Variants in TPRG1 observed in about 807,000 individuals in gnomAD.
The protein encoded by TPRG1 is tumor protein p63-regulated gene 1 protein.
In TPRG1, 29 loss-of-function variants were observed where a neutral mutation model predicts 29.3. The ratio of observed to expected loss-of-function variants is 0.99; its 90% confidence interval spans 0.74 to 1.35. The LOEUF is 1.35. TPRG1 is among the 40% of genes most tolerant of loss of function. The pLI, the probability that TPRG1 is intolerant of heterozygous loss-of-function variation, is 0.00. For missense variants in TPRG1, 327 were observed against 335.0 expected (o/e 0.98, Z 0.19); for synonymous variants, 130 against 116.8 (o/e 1.11, Z -0.73).
intron 1 of TPRG1, among the ~76,000 whole-genome samples, chr3:189,191,492 G>T (rs1480901499): frequency 6.6e-6 from 1 of 151,934 alleles, no homozygotes; most frequent in Non-Finnish European, 1.5e-5. Context: ...AATCTTCCTG[G>T]CATCTTGTAG....
At chr3:189,069,832 C>T (rs1354775739) in intron 4 of TPRG1, among the ~76,000 whole-genome samples, 2 of 152,106 alleles carry the variant, frequency 1.3e-5, no homozygotes, top group South Asian at 2.1e-4. Context: ...ACAGGCTGGG[C>T]GTGGTGGCTC....
chr3:189,018,364 G>T (rs1407857918), intron 3 of TPRG1, among the ~76,000 whole-genome samples: 5 of 150,156 alleles, frequency 3.3e-5, no homozygotes, highest in Admixed American at 1.3e-4. Context: ...ATGGTTTTAG[G>T]TCTAACGTTT....
chr3:189,124,301 G>A (rs191367160), intron 1 of TPRG1, among the ~76,000 whole-genome samples: 2 of 152,154 alleles, frequency 1.3e-5, no homozygotes, highest in East Asian at 3.9e-4. Context: ...GCTTAGAAAA[G>A]AAGCATATTT....
chr3:189,045,574 T>C (rs1025523203), intron 4 of TPRG1, among the ~76,000 whole-genome samples: 3 of 152,348 alleles, frequency 2.0e-5, no homozygotes, highest in Non-Finnish European at 2.9e-5. Context: ...AGTGGGAAAA[T>C]GTCTGTACAG....
At chr3:189,289,065 C>G (rs1718555270) in intron 4 of TPRG1, among the ~76,000 whole-genome samples, 3 of 152,182 alleles carry the variant, frequency 2.0e-5, no homozygotes, top group Admixed American at 2.0e-4. Context: ...CTGATTGGAC[C>G]TTTAGCTTGT....
intron 1 of TPRG1, among the ~76,000 whole-genome samples, chr3:189,121,001 T>C (rs1176176124): frequency 6.6e-6 from 1 of 152,162 alleles, no homozygotes; most frequent in Non-Finnish European, 1.5e-5. Context: ...GGTAAATTAT[T>C]AGATGACGCA....
chr3:189,262,406 A>G (rs755104074), intron 4 of TPRG1, among the ~76,000 whole-genome samples: 1 of 151,996 alleles, frequency 6.6e-6, no homozygotes, highest in Non-Finnish European at 1.5e-5. Context: ...CTGAGAGGCT[A>G]TGGGAAGAGA....
At chr3:189,170,455 C>T (rs759665671), upstream of TPRG1, among the ~76,000 whole-genome samples, 12 of 152,194 alleles carry the variant, frequency 7.9e-5, no homozygotes, top group Admixed American at 3.3e-4. Flanking sequence ...CCGCCTCCAC[C>T]GCTGTGCAGC....
At chr3:189,288,047 AGT>A (rs1718361247) in intron 4 of TPRG1, among the ~76,000 whole-genome samples, 1 of 151,440 alleles carries the variant, frequency 6.6e-6, no homozygotes, top group African/African-American at 2.4e-5. Context: ...TGTCTGAGAC[AGT>A]GAGAGAGAAA....
At chr3:189,033,249 G>T (rs1182285381) in intron 4 of TPRG1, among the ~76,000 whole-genome samples, 1 of 151,370 alleles carries the variant, frequency 6.6e-6, no homozygotes, top group East Asian at 1.9e-4. Context: ...ATTGGCTATT[G>T]AGAACAGCTA....
At chr3:189,043,947 A>AG (rs2152135960) in intron 4 of TPRG1, among the ~76,000 whole-genome samples, 1 of 152,288 alleles carries the variant, frequency 6.6e-6, no homozygotes, top group South Asian at 2.1e-4. Flanking sequence ...CCCAGTAGTG[A>AG]GACTAAGACA....
In TPRG1 at chr3:189,222,348, A is replaced by C. The variant is rs183487822; in HGVS notation, c.302+6965A>C. ...TTAAAAAGGAAAAAGGTTAAAAAAAACTGGAAATCAGAGATTTCTAATCCT... is the reference window on the plus strand; with the variant it reads ...TTAAAAAGGAAAAAGGTTAAAAAAACCTGGAAATCAGAGATTTCTAATCCT... On this transcript the variant is annotated intron_variant, in intron 3 of 5. Coordinates refer to ENST00000345063, the MANE Select transcript of TPRG1 (RefSeq NM_198485.4). Among the ~76,000 whole-genome samples, 96 of 152,308 alleles carry C rather than the reference A, an allele frequency of 6.3e-4. 1 individual carries two copies. In the East Asian group the frequency reaches 0.017, roughly 26 times the overall value.
intron 2 of TPRG1, among the ~76,000 whole-genome samples, chr3:189,001,292 T>G (rs542889284): frequency 1.3e-5 from 2 of 152,182 alleles, no homozygotes; most frequent in African/African-American, 4.8e-5. Context: ...AAAACCTTTT[T>G]GTCTTGAAGA....
intron 3 of TPRG1, among the ~76,000 whole-genome samples, chr3:189,226,761 A>G (rs1389731833): frequency 4.0e-5 from 6 of 150,728 alleles, no homozygotes; most frequent in Admixed American, 4.0e-4. Flanking sequence ...GCTCTCTGAA[A>G]GGATCAATAA....
intron 4 of TPRG1, among the ~76,000 whole-genome samples, chr3:189,278,098 G>A (rs996995575): frequency 6.6e-6 from 1 of 152,144 alleles, no homozygotes; most frequent in Non-Finnish European, 1.5e-5. Context: ...CTCCTATGCA[G>A]GATGTTAAAG....
intron 4 of TPRG1, among the ~76,000 whole-genome samples, chr3:189,042,917 C>T (rs1243430196): frequency 6.6e-6 from 1 of 152,154 alleles, no homozygotes; most frequent in African/African-American, 2.4e-5. Flanking sequence ...CTGGTCTCAA[C>T]CCAAAGACCT....
At chr3:189,133,501 T>C (rs553513896) in intron 3 of TPRG1, among the ~76,000 whole-genome samples, 2 of 152,252 alleles carry the variant, frequency 1.3e-5, no homozygotes, top group South Asian at 4.2e-4. Context: ...GTTTCCCCCA[T>C]GCTGGTCTTG....
intron 3 of TPRG1, among the ~76,000 whole-genome samples, chr3:189,235,827 C>G (rs938963825): frequency 6.6e-6 from 1 of 152,276 alleles, no homozygotes; most frequent in Admixed American, 6.5e-5. Context: ...TTGAACAAGT[C>G]ATTTTAAGGA....
intron 3 of TPRG1, among the ~76,000 whole-genome samples, chr3:189,138,812 A>G (rs1297075331): frequency 6.6e-6 from 1 of 152,218 alleles, no homozygotes; most frequent in Admixed American, 6.5e-5. Context: ...GGCTTTATGC[A>G]TATAAGATAG....
Sources: gnomAD v4.1 joint callset for allele counts (sites outside exome capture counted in the v4.1 genomes callset) on GRCh38, gnomAD v4.1.1 for gene constraint, MANE v1.5 for transcripts, NCBI Gene and HGNC (gene_info 2026-07-23, HGNC 2026-07-21) for gene names.